The following ZNF365 variants were observed in gnomAD, a reference collection of about 807,000 sequenced individuals.
The protein encoded by ZNF365 is zinc finger protein 365, also known as protein ZNF365.
ZNF365 carries 22 observed loss-of-function variants against 35.0 expected under a neutral mutation model. The ratio of observed to expected loss-of-function variants is 0.63; its 90% confidence interval spans 0.45 to 0.90. ZNF365 has a LOEUF of 0.90. Among genes scored for constraint, ZNF365 ranks in the 40% least tolerant of loss-of-function variants. The probability of loss-of-function intolerance (pLI) is 0.00; values close to 1 mark genes in which losing one functional copy is unlikely to be tolerated. For synonymous variants in ZNF365, 188 were observed against 196.2 expected (o/e 0.96, Z 0.35); for missense variants, 448 against 500.3 (o/e 0.90, Z 1.00).
intron 4 of ZNF365, among the ~76,000 whole-genome samples, chr10:62,465,689 A>C (rs2077316): frequency 0.036 from 5,475 of 152,312 alleles, 141 homozygotes; most frequent in Non-Finnish European, 0.058. Flanking sequence ...TCTGCAGCTC[A>C]GTAAAGCTCC....
At chr10:62,405,034 G>A (rs901332321), downstream of ZNF365, among the ~76,000 whole-genome samples, 1 of 152,176 alleles carries the variant, frequency 6.6e-6, no homozygotes, top group African/African-American at 2.4e-5. Context: ...TGTACATCTT[G>A]TACTATTACC....
chr10:62,392,948 A>G (rs1432728662), intron 3 of ZNF365, among the ~76,000 whole-genome samples: 4 of 152,084 alleles, frequency 2.6e-5, no homozygotes, highest in Non-Finnish European at 4.4e-5. Flanking sequence ...GCTTATTTTT[A>G]TACCAGAGAA....
chr10:62,413,762 G>A (rs141241176), intron 3 of ZNF365, among the ~76,000 whole-genome samples: 5 of 152,274 alleles, frequency 3.3e-5, no homozygotes, highest in African/African-American at 1.2e-4. Flanking sequence ...CATTCACCAC[G>A]AGAAGCAGAG....
At chr10:62,405,646 C>T (rs1839894572), downstream of ZNF365, among the ~76,000 whole-genome samples, 1 of 152,208 alleles carries the variant, frequency 6.6e-6, no homozygotes, top group South Asian at 2.1e-4. Flanking sequence ...ACTCTGTAAG[C>T]TCAAGACCTC....
At position 62,390,165 on chromosome 10, in the gene ZNF365, T is replaced by A. The variant is rs186966779; in HGVS notation, c.924+1589T>A. Reference sequence around the variant, plus strand: ...CTCTGCTTCTGACTGGGCAAGATAGTTAGTCTTCCTGGGCCTATATTTCTT... The same window carrying A: ...CTCTGCTTCTGACTGGGCAAGATAGATAGTCTTCCTGGGCCTATATTTCTT... On this transcript the variant is annotated intron_variant, in intron 3 of 4. Transcript: ENST00000395254. Among the ~76,000 whole-genome samples, 395 of 152,284 alleles carry A rather than the reference T, an allele frequency of 2.6e-3. 6 individuals are homozygous for A. The highest frequency in any genetic ancestry group is 9.0e-3 in the African/African-American group (375 of 41,554).
At chr10:62,459,776 C>T in exon 4 of ZNF365, 2 of 1,610,876 alleles carry the variant, frequency 1.2e-6, no homozygotes, top group Middle Eastern at 1.7e-4. Context: ...GCCTGGTGTG[C>T]CAAAATGACC....
At chr10:62,392,603 CGTTTGTTT>C (rs139529803) in intron 3 of ZNF365, among the ~76,000 whole-genome samples, 89,933 of 150,208 alleles carry the variant, frequency 0.6, 27,486 homozygotes, top group East Asian at 0.76. Context: ...GTCTATGTGC[CGTTTGTTT>C]GTTTGTTTGT....
At chr10:62,377,083 C>A in intron 2 of ZNF365, 147 bp downstream of exon 2, 1 of 1,127,932 alleles carries the variant, frequency 8.9e-7, no homozygotes. Flanking sequence ...CCAGGAGGAA[C>A]AAGGCTTTGA....
At chr10:62,398,707 A>C in intron 3 of ZNF365, 33 bp from the exon 4 acceptor site, 1 of 1,599,068 alleles carries the variant, frequency 6.3e-7, no homozygotes, top group African/African-American at 1.3e-5. Flanking sequence ...CCTCAAATGC[A>C]GTTAACATTT....
intron 3 of ZNF365, among the ~76,000 whole-genome samples, chr10:62,413,592 A>G (rs59111109): frequency 0.047 from 7,216 of 152,226 alleles, 374 homozygotes; most frequent in African/African-American, 0.13. Context: ...ATTTTAGATG[A>G]TTTAGGGTGT....
At chr10:62,384,028 T>A (rs746335108) in intron 2 of ZNF365, among the ~76,000 whole-genome samples, 2 of 152,178 alleles carry the variant, frequency 1.3e-5, no homozygotes, top group Admixed American at 6.5e-5. Context: ...CTGGTATTTT[T>A]TTTTTTAGTG....
chr10:62,411,317 A>G (rs1441433125), intron 3 of ZNF365, among the ~76,000 whole-genome samples: 2 of 152,044 alleles, frequency 1.3e-5, no homozygotes, highest in African/African-American at 4.8e-5. Context: ...TTTTGTTGCA[A>G]TTGCTTTTGG....
chr10:62,450,255 C>T (rs971316616), intron 3 of ZNF365, among the ~76,000 whole-genome samples: 1 of 152,152 alleles, frequency 6.6e-6, no homozygotes, highest in African/African-American at 2.4e-5. Flanking sequence ...TGTTTAAGTG[C>T]TTGCTGTGTG....
At chr10:62,448,675 G>T (rs936778922) in intron 3 of ZNF365, among the ~76,000 whole-genome samples, 5 of 152,078 alleles carry the variant, frequency 3.3e-5, no homozygotes, top group African/African-American at 9.7e-5. Context: ...GAGGGCTTAC[G>T]AAAGTCTAAG....
intron 3 of ZNF365, among the ~76,000 whole-genome samples, chr10:62,455,170 T>A (rs987670559): frequency 1.3e-5 from 2 of 152,040 alleles, no homozygotes; most frequent in Non-Finnish European, 2.9e-5. Flanking sequence ...GTGTTATAAA[T>A]GTTGTGCTGT....
intron 3 of ZNF365, among the ~76,000 whole-genome samples, chr10:62,451,306 C>A (rs1032375765): frequency 1.3e-5 from 2 of 152,020 alleles, no homozygotes; most frequent in East Asian, 1.9e-4. Context: ...GCTTGTGGTG[C>A]CTGCCTGAGC....
intron 3 of ZNF365, among the ~76,000 whole-genome samples, chr10:62,454,643 TTG>T (rs1840734212): frequency 6.6e-6 from 1 of 151,098 alleles, no homozygotes. Flanking sequence ...TTTTTTTTCT[TTG>T]CTTCTGATTT....
chr10:62,457,894 A>G (rs1840785472), intron 3 of ZNF365, among the ~76,000 whole-genome samples: 1 of 152,218 alleles, frequency 6.6e-6, no homozygotes, highest in African/African-American at 2.4e-5. Flanking sequence ...ACAGAGAATC[A>G]TGCAAATGAC....
intron 2 of ZNF365, among the ~76,000 whole-genome samples, chr10:62,385,101 CT>C (rs751564810): frequency 2.0e-5 from 3 of 152,180 alleles, no homozygotes; most frequent in Admixed American, 1.3e-4. Context: ...CTTCTCCAGT[CT>C]TTCTCTTGTG....
Sources: allele counts gnomAD v4.1 joint callset (sites outside exome capture counted in the v4.1 genomes callset), GRCh38; gene constraint gnomAD v4.1.1; transcripts MANE v1.5; gene names NCBI Gene and HGNC (gene_info 2026-07-23, HGNC 2026-07-21).